Variants in SLIT3 observed in about 807,000 individuals in gnomAD.
SLIT3 encodes slit homolog 3 protein.
In SLIT3, 68 loss-of-function variants were observed where a neutral mutation model predicts 184.0. The observed-to-expected ratio is 0.37, with a 90% CI of 0.30 to 0.45. SLIT3 has a LOEUF of 0.45. Among genes scored for constraint, SLIT3 ranks in the 20% least tolerant of loss-of-function variants. The pLI, the probability that SLIT3 is intolerant of heterozygous loss-of-function variation, is 1.00. For missense variants in SLIT3, 1,707 were observed against 2,026.0 expected (o/e 0.84, Z 3.02); for synonymous variants, 831 against 828.6 (o/e 1.00, Z -0.05).
At chr5:168,856,163 C>T (rs1022026229) in intron 5 of SLIT3, among the ~76,000 whole-genome samples, 8 of 152,056 alleles carry the variant, frequency 5.3e-5, no homozygotes, top group African/African-American at 1.2e-4. Context: ...CACTACATTG[C>T]GAGTGTACTA....
At chr5:169,232,450 C>T (rs1765039132) in intron 3 of SLIT3, among the ~76,000 whole-genome samples, 1 of 152,194 alleles carries the variant, frequency 6.6e-6, no homozygotes, top group South Asian at 2.1e-4. Flanking sequence ...GTCTCAAACT[C>T]CTGACCTCAG....
intron 4 of SLIT3, among the ~76,000 whole-genome samples, chr5:168,924,049 G>A (rs1761725972): frequency 6.6e-6 from 1 of 152,212 alleles, no homozygotes; most frequent in African/African-American, 2.4e-5. Flanking sequence ...TTTACAGAAT[G>A]GGTTTGCCAA....
intron 4 of SLIT3, among the ~76,000 whole-genome samples, chr5:168,899,721 A>G (rs1382368333): frequency 6.6e-6 from 1 of 152,214 alleles, no homozygotes; most frequent in East Asian, 1.9e-4. Flanking sequence ...CCTTCATGCA[A>G]TATTTCACAA....
chr5:169,078,386 C>G (rs1758828840), intron 4 of SLIT3, among the ~76,000 whole-genome samples: 1 of 152,008 alleles, frequency 6.6e-6, no homozygotes, highest in Non-Finnish European at 1.5e-5. Context: ...AAATATATTT[C>G]TCCTTGGATA....
At chr5:168,797,037 T>C (rs1756587237) in intron 9 of SLIT3, among the ~76,000 whole-genome samples, 1 of 151,308 alleles carries the variant, frequency 6.6e-6, no homozygotes, top group Non-Finnish European at 1.5e-5. Flanking sequence ...CTATTAACAA[T>C]GCCTTTGTAC....
At chr5:169,145,854 C>G (rs1361284923) in intron 4 of SLIT3, among the ~76,000 whole-genome samples, 1 of 152,194 alleles carries the variant, frequency 6.6e-6, no homozygotes, top group Non-Finnish European at 1.5e-5. Context: ...TCGAGGCCAG[C>G]CTGGCCAACA....
intron 1 of SLIT3, among the ~76,000 whole-genome samples, chr5:169,275,826 C>T (rs1167446194): frequency 1.2e-4 from 18 of 152,152 alleles, no homozygotes. Context: ...AATGGGGACA[C>T]AGCCAAACCA....
intron 5 of SLIT3, among the ~76,000 whole-genome samples, chr5:168,881,429 T>C (rs1315927450): frequency 6.6e-6 from 1 of 152,252 alleles, no homozygotes; most frequent in Non-Finnish European, 1.5e-5. Context: ...CCAGCTCTGG[T>C]TATACATCAC....
chr5:168,682,549 T>C (rs893481780), intron 32 of SLIT3, among the ~76,000 whole-genome samples: 5 of 152,226 alleles, frequency 3.3e-5, no homozygotes, highest in African/African-American at 4.8e-5. Context: ...GGGACCACGC[T>C]TTGAGAACCA....
chr5:168,669,223 G>T (rs369798630), intron 35 of SLIT3, among the ~76,000 whole-genome samples: 2 of 152,222 alleles, frequency 1.3e-5, no homozygotes, highest in East Asian at 3.8e-4. Context: ...GGAAATGATG[G>T]TGTGAGTGAC....
chr5:168,725,411 T>C (rs1225905553), intron 20 of SLIT3, among the ~76,000 whole-genome samples: 1 of 152,246 alleles, frequency 6.6e-6, no homozygotes, highest in Non-Finnish European at 1.5e-5. Context: ...GTAAACCCCT[T>C]TCTCCAGGCT....
intron 23 of SLIT3, among the ~76,000 whole-genome samples, chr5:168,718,714 A>ACG (rs1362959421): frequency 7.1e-6 from 1 of 140,580 alleles, no homozygotes; most frequent in Non-Finnish European, 1.6e-5. Context: ...ACACACACAC[A>ACG]CACACACACA....
intron 4 of SLIT3, among the ~76,000 whole-genome samples, chr5:169,128,440 C>CT (rs1242458541): frequency 6.6e-6 from 1 of 151,672 alleles, no homozygotes; most frequent in African/African-American, 2.4e-5. Context: ...ATTTATTTAT[C>CT]TTTTTTAAGG....
intron 4 of SLIT3, among the ~76,000 whole-genome samples, chr5:169,081,649 T>C (rs1759063637): frequency 1.3e-5 from 2 of 152,104 alleles, no homozygotes; most frequent in Non-Finnish European, 2.9e-5. Flanking sequence ...AGATCTTCCA[T>C]TGAGCAGCAC....
At chr5:168,855,190 A>T (rs559193191) in intron 5 of SLIT3, among the ~76,000 whole-genome samples, 1 of 152,084 alleles carries the variant, frequency 6.6e-6, no homozygotes, top group South Asian at 2.1e-4. Flanking sequence ...CACACTAGAA[A>T]GGCTGTAATT....
At chr5:169,101,766 T>A (rs1395377344) in intron 4 of SLIT3, among the ~76,000 whole-genome samples, 1 of 152,236 alleles carries the variant, frequency 6.6e-6, no homozygotes, top group Non-Finnish European at 1.5e-5. Context: ...ATTTGCAATA[T>A]GCTCTGGCTA....
At chr5:168,706,101 G>A (rs1762364931) in intron 26 of SLIT3, among the ~76,000 whole-genome samples, 1 of 152,154 alleles carries the variant, frequency 6.6e-6, no homozygotes, top group Non-Finnish European at 1.5e-5. Context: ...GATAATCCTG[G>A]ATCAAACTAG....
intron 4 of SLIT3, among the ~76,000 whole-genome samples, chr5:169,006,090 T>C (rs975640997): frequency 6.6e-6 from 1 of 151,960 alleles, no homozygotes; most frequent in Non-Finnish European, 1.5e-5. Flanking sequence ...ATAATCTAAG[T>C]GAAAGGGGAC....
At chr5:168,880,832 T>C (rs1358079577) in intron 5 of SLIT3, among the ~76,000 whole-genome samples, 1 of 152,244 alleles carries the variant, frequency 6.6e-6, no homozygotes, top group Non-Finnish European at 1.5e-5. Flanking sequence ...CTGTTCCTTC[T>C]GAGCTCTGAC....
Sources: gnomAD v4.1 joint callset for allele counts (sites outside exome capture counted in the v4.1 genomes callset) on GRCh38, gnomAD v4.1.1 for gene constraint, MANE v1.5 for transcripts, NCBI Gene and HGNC (gene_info 2026-07-23, HGNC 2026-07-21) for gene names.